The following SFMBT1 variants were observed in gnomAD, a reference collection of about 807,000 sequenced individuals.
SFMBT1 encodes the protein scm-like with four MBT domains protein 1.
A neutral mutation model predicts 108.7 loss-of-function variants in SFMBT1; 32 were observed. That is an observed-to-expected ratio of 0.29 (90% CI 0.22 to 0.40). The LOEUF (loss-of-function observed/expected upper bound fraction) is 0.40. SFMBT1 is among the 10% of genes least tolerant of loss of function. The pLI, the probability that SFMBT1 is intolerant of heterozygous loss-of-function variation, is 1.00. For synonymous variants in SFMBT1, 348 were observed against 369.5 expected, an observed-to-expected ratio of 0.94 and a Z score of 0.67; for missense variants, 816 against 1,059.6, an observed-to-expected ratio of 0.77 and a Z score of 3.19.
chr3:52,981,518 A>G (rs926994254), intron 1 of SFMBT1, among the ~76,000 whole-genome samples: 4 of 145,218 alleles, frequency 2.8e-5, no homozygotes, highest in African/African-American at 1.0e-4. Context: ...ATATGCCACC[A>G]TGCTCAGCTA....
At chr3:52,930,857 G>A in intron 7 of SFMBT1, 84 bp downstream of exon 7, 1 of 1,079,786 alleles carries the variant, frequency 9.3e-7, no homozygotes, top group African/African-American at 1.6e-5. Flanking sequence ...CGACTGCAGG[G>A]GCTGCTTTAC....
intron 1 of SFMBT1, among the ~76,000 whole-genome samples, chr3:53,038,578 A>G (rs924544415): frequency 1.3e-5 from 2 of 152,266 alleles, no homozygotes; most frequent in Admixed American, 6.5e-5. Context: ...GGAGGAAAAT[A>G]TAACTCTTTA....
intron 15 of SFMBT1, 22 bp downstream of exon 15, chr3:52,913,456 T>C: frequency 6.3e-7 from 1 of 1,599,260 alleles, no homozygotes; most frequent in African/African-American, 1.3e-5. Flanking sequence ...CCAAGTTATT[T>C]TGCTCTAGGC....
intron 1 of SFMBT1, among the ~76,000 whole-genome samples, chr3:52,988,965 C>T (rs1280279362): frequency 1.3e-5 from 2 of 152,088 alleles, no homozygotes; most frequent in Admixed American, 6.6e-5. Context: ...ATTTCAGTAC[C>T]CCCACACCTT....
At chr3:52,923,489 G>A (rs1444162042) in intron 10 of SFMBT1, among the ~76,000 whole-genome samples, 4 of 151,890 alleles carry the variant, frequency 2.6e-5, no homozygotes, top group African/African-American at 9.7e-5. Flanking sequence ...GAACCCGGGA[G>A]GTGGAGGTTG....
chr3:52,985,241 A>C (rs1446059187), intron 1 of SFMBT1, among the ~76,000 whole-genome samples: 1 of 152,214 alleles, frequency 6.6e-6, no homozygotes, highest in Non-Finnish European at 1.5e-5. Flanking sequence ...GGAAAAGACC[A>C]TGTTCAGTTA....
intron 1 of SFMBT1, among the ~76,000 whole-genome samples, chr3:53,029,804 G>A (rs1030042063): frequency 6.6e-6 from 1 of 152,104 alleles, no homozygotes; most frequent in African/African-American, 2.4e-5. Context: ...TGGGTGGAGG[G>A]TGGGGAGAAT....
Position 53,045,974 on chromosome 3 carries a change from G to C in SFMBT1, c.-289C>G, listed in dbSNP as rs1700228286. On this transcript the variant is annotated 5_prime_UTR_variant, in exon 1 of 21. Coordinates refer to ENST00000394752, the MANE Select transcript of SFMBT1 (RefSeq NM_016329.4). ...CCGCTCGCGCCCTCCTTCCTGCTGG[G>C]TTCGGCGGAGCGGGGCGGCCGGCAG... 6.6e-6 allele frequency: 1 copy of C among 151,128 alleles called. No individual in the cohort carries two copies. Among genetic ancestry groups the C allele is most frequent in the African/African-American group, 2.4e-5 (1 of 41,208 alleles). The allele number at this position is 151,128 out of a possible 1,614,324, so 9.4% of individuals were successfully genotyped here.
Position 52,969,180 on chromosome 3 carries a change from T to C in SFMBT1, c.-52A>G, listed in dbSNP as rs368066793. 240 of 1,611,466 alleles carry C rather than the reference T, an allele frequency of 1.5e-4. No individual in the cohort carries two copies. The African/African-American group carries it at 2.4e-3, about 16-fold the overall frequency. On this transcript the variant is annotated 5_prime_UTR_variant, in exon 2 of 21. Transcript: ENST00000394752. The stretch of plus-strand genomic sequence containing the variant: ...CCTCCCAAAACAAAGGAAAGGCCTA[T>C]GGTTCTGCTAGGATCTGAAGATTAC...
At chr3:52,986,864 C>T (rs370775343) in intron 1 of SFMBT1, among the ~76,000 whole-genome samples, 6 of 150,088 alleles carry the variant, frequency 4.0e-5, no homozygotes, top group South Asian at 2.1e-4. Flanking sequence ...CGCTTGAACC[C>T]GGGAGGTGGA....
At chr3:52,912,488 C>A (rs1320563670) in intron 16 of SFMBT1, 50 bp downstream of exon 16, 4 of 1,533,594 alleles carry the variant, frequency 2.6e-6, no homozygotes, top group African/African-American at 2.7e-5. Context: ...GATTCTGTGA[C>A]TTTTTAAAGA....
At chr3:52,981,924 GA>G (rs1277866593) in intron 1 of SFMBT1, among the ~76,000 whole-genome samples, 1 of 152,130 alleles carries the variant, frequency 6.6e-6, no homozygotes, top group Non-Finnish European at 1.5e-5. Flanking sequence ...TGGACAAAAA[GA>G]ACCCTTTTTC....
rs1448074961 is a variant in SFMBT1, at chr3:52,906,215, C to G, written c.2358G>C (p.Arg786Ser). 3.7e-6 allele frequency: 6 copies of G among 1,614,096 alleles called. No homozygotes were observed. Among genetic ancestry groups the G allele is most frequent in the Non-Finnish European group, 5.1e-6 (6 of 1,179,968 alleles). The change falls in exon 20 of 21, where the codon AGG becomes AGC. Residue 786 changes from arginine (R) to serine (S), a missense_variant. By Grantham distance (110) the Arg-to-Ser change is moderately radical. Transcript: ENST00000394752. The stretch of plus-strand genomic sequence containing the variant: ...TCAAGGGGTTACTGTCCAGGTGAAG[C>G]CTTTCAGCAACTTCGATCCTTATTT... ...PKEIRIEVAERLHLDSNPLKW... is the reference protein window; with the variant it reads ...PKEIRIEVAESLHLDSNPLKW...
chr3:52,967,811 T>A (rs187931804), intron 2 of SFMBT1, among the ~76,000 whole-genome samples: 2 of 152,218 alleles, frequency 1.3e-5, no homozygotes, highest in Admixed American at 1.3e-4. Flanking sequence ...TAAACAAAAG[T>A]AATGACAACA....
At chr3:52,961,626 A>G (rs1252957233) in intron 2 of SFMBT1, among the ~76,000 whole-genome samples, 1 of 152,208 alleles carries the variant, frequency 6.6e-6, no homozygotes, top group Non-Finnish European at 1.5e-5. Flanking sequence ...AAAATTAAAA[A>G]CATATTGAAC....
intron 1 of SFMBT1, among the ~76,000 whole-genome samples, chr3:53,023,176 C>T (rs1699372203): frequency 6.6e-6 from 1 of 152,156 alleles, no homozygotes; most frequent in Admixed American, 6.6e-5. Flanking sequence ...CTAATCAGAT[C>T]AGGAGAGGTC....
In SFMBT1 at chr3:52,907,064, G is replaced by C. The variant is rs1702081618; in HGVS notation, c.2331+5C>G. On this transcript the variant is annotated splice_donor_5th_base_variant and intron_variant, in intron 19 of 20. Transcript: ENST00000394752. ...AGAAAAAAGAAACTATTTTTTAAAT[G>C]GTACCTTTGGTGAAGGAGGTTTATT... 2 of 1,591,168 alleles carry C rather than the reference G, an allele frequency of 1.3e-6. No homozygotes were observed. Among genetic ancestry groups the C allele is most frequent in the Non-Finnish European group, 1.7e-6 (2 of 1,172,060 alleles).
At chr3:52,962,695 C>T (rs1704002374) in intron 2 of SFMBT1, among the ~76,000 whole-genome samples, 1 of 151,130 alleles carries the variant, frequency 6.6e-6, no homozygotes, top group Admixed American at 6.6e-5. Context: ...GTAATCCCAG[C>T]TACTCAGGAG....
intron 20 of SFMBT1, among the ~76,000 whole-genome samples, 156 bp from the exon 21 acceptor site, chr3:52,905,432 T>A (rs1702041814): frequency 6.6e-6 from 1 of 152,248 alleles, no homozygotes; most frequent in Non-Finnish European, 1.5e-5. Flanking sequence ...TCCTTTTAAG[T>A]GACTCCATAG....
Sources: allele counts gnomAD v4.1 joint callset (sites outside exome capture counted in the v4.1 genomes callset), GRCh38; gene constraint gnomAD v4.1.1; transcripts MANE v1.5; gene names NCBI Gene and HGNC (gene_info 2026-07-23, HGNC 2026-07-21).